Variants in CPLX1 observed in about 807,000 individuals in gnomAD.
The protein encoded by CPLX1 is complexin 1.
Under a neutral mutation model 15.6 loss-of-function variants are expected in CPLX1, and 6 were observed. That is an observed-to-expected ratio of 0.39 (90% confidence interval 0.21 to 0.76). The LOEUF (loss-of-function observed/expected upper bound fraction) is 0.76. Ranked by LOEUF, CPLX1 falls within the 30% of genes least tolerant of loss-of-function variation. The probability of loss-of-function intolerance (pLI) is 0.43; values close to 1 mark genes in which losing one functional copy is unlikely to be tolerated. For missense variants in CPLX1, 242 were observed against 188.6 expected (o/e 1.28, Z -1.66); for synonymous variants, 91 against 75.2 (o/e 1.21, Z -1.08).
chr4:796,835 G>C lies in CPLX1; in HGVS notation c.32-4227C>G, dbSNP rs371536549. Among the ~76,000 whole-genome samples, 19 of 152,322 alleles carry C rather than the reference G, an allele frequency of 1.2e-4. No individual in the cohort carries two copies. The South Asian group carries it at 2.7e-3, about 22-fold the overall frequency. On this transcript the variant is annotated intron_variant, in intron 2 of 3. Coordinates refer to ENST00000304062, the MANE Select transcript of CPLX1 (RefSeq NM_006651.4). ...TGCAAAAGGCCCATTTGCCAGGACA[G>C]ACACCTGAAGGAAAAAGAGGAGAGT...
At chr4:817,382 C>T (rs1401920968) in intron 2 of CPLX1, among the ~76,000 whole-genome samples, 4 of 150,648 alleles carry the variant, frequency 2.7e-5, no homozygotes, top group South Asian at 2.1e-4. Context: ...AGTGAAACCC[C>T]GTCTCTACTA....
intron 2 of CPLX1, among the ~76,000 whole-genome samples, chr4:803,239 C>T (rs180859851): frequency 1.1e-3 from 163 of 152,344 alleles, no homozygotes; most frequent in African/African-American, 3.8e-3. Flanking sequence ...ACACAGCTGC[C>T]GCTGCGATTC....
At chr4:788,659 C>T in intron 3 of CPLX1, 1 of 903,124 alleles carries the variant, frequency 1.1e-6, no homozygotes, top group Non-Finnish European at 1.3e-6. Flanking sequence ...GGAAGGGCAG[C>T]AGCTCCAGGC....
chr4:809,535 G>T (rs1158592920), intron 2 of CPLX1, among the ~76,000 whole-genome samples: 2 of 152,148 alleles, frequency 1.3e-5, no homozygotes, highest in South Asian at 4.1e-4. Flanking sequence ...AGGGGGTGGG[G>T]GGGACCTCAG....
At chr4:810,096 C>G (rs1325945249) in intron 2 of CPLX1, among the ~76,000 whole-genome samples, 1 of 144,154 alleles carries the variant, frequency 6.9e-6, no homozygotes, top group African/African-American at 2.6e-5. Flanking sequence ...GTTGCCCAGG[C>G]TGGAGTGCAG....
intron 2 of CPLX1, 40 bp from the exon 3 acceptor site, chr4:792,648 T>C: frequency 6.3e-7 from 1 of 1,577,582 alleles, no homozygotes; most frequent in Non-Finnish European, 8.6e-7. Context: ...CCCATTCAGA[T>C]GTCCAGGGCC....
At chr4:788,655 G>A (rs1577467552) in intron 3 of CPLX1, 1 of 928,258 alleles carries the variant, frequency 1.1e-6, no homozygotes, top group Non-Finnish European at 1.3e-6. Flanking sequence ...AGCGGGAAGG[G>A]CAGCAGCTCC....
chr4:792,799 T>C, intron 2 of CPLX1, 191 bp from the exon 3 acceptor site: 1 of 601,016 alleles, frequency 1.7e-6, no homozygotes, highest in Non-Finnish European at 2.8e-6. Flanking sequence ...CCCGGGACCC[T>C]CCATCCAGTG....
chr4:815,116 G>A (rs1241243722), intron 2 of CPLX1, among the ~76,000 whole-genome samples: 4 of 152,148 alleles, frequency 2.6e-5, no homozygotes, highest in Non-Finnish European at 4.4e-5. Flanking sequence ...AGTGTTAGAA[G>A]ATAAAAATAA....
Position 786,462 on chromosome 4 carries a change from AG to A in CPLX1, c.*38del. 1 of 1,481,306 alleles carries A rather than the reference AG, an allele frequency of 6.8e-7. No homozygotes were observed. The highest frequency in any genetic ancestry group is 9.0e-7 in the Non-Finnish European group (1 of 1,105,710). The allele number at this position is 1,481,306 out of a possible 1,614,324, so 91.8% of individuals were successfully genotyped here. On this transcript the variant is annotated 3_prime_UTR_variant, in exon 4 of 4. Coordinates refer to ENST00000304062, the MANE Select transcript of CPLX1 (RefSeq NM_006651.4). ...GCCTCCGCGGAGGATCTGTAGGGGG[AG>A]GGGCGGGGGCTCCGCGGGGCCGCTG...
Position 790,926 on chromosome 4 carries a change from C to T in CPLX1, c.207+1507G>A, listed in dbSNP as rs1746150403. 2.3e-5 allele frequency among the ~76,000 whole-genome samples: 3 copies of T among 128,394 alleles called. No homozygotes were observed. The South Asian group carries it at 8.6e-4, about 37-fold the overall frequency. 84.2% of individuals were successfully genotyped at this position (128,394 alleles called of 152,430 possible). A position where few individuals can be genotyped will look rare whatever the true frequency, so the allele number is the denominator to read the frequency against. ...CTTTGTCTCTCTCCCCTCTCTCTTTCCCTCTTTTTGTCTTTTTCTCTGTCT... is the reference window on the plus strand; with the variant it reads ...CTTTGTCTCTCTCCCCTCTCTCTTTTCCTCTTTTTGTCTTTTTCTCTGTCT... On this transcript the variant is annotated intron_variant, in intron 3 of 3. Coordinates refer to ENST00000304062, the MANE Select transcript of CPLX1 (RefSeq NM_006651.4).
chr4:792,309 A>G, intron 3 of CPLX1, 124 bp downstream of exon 3: 1 of 916,208 alleles, frequency 1.1e-6, no homozygotes. Flanking sequence ...GAAGCCCCCA[A>G]AGGGTAGGAG....
At chr4:792,205 G>C (rs1214483853) in intron 3 of CPLX1, among the ~76,000 whole-genome samples, 1 of 152,224 alleles carries the variant, frequency 6.6e-6, no homozygotes, top group African/African-American at 2.4e-5. Context: ...TAGGAAGCCC[G>C]CCAGGGCTGG....
intron 2 of CPLX1, chr4:804,872 G>C: frequency 1.0e-6 from 1 of 985,288 alleles, no homozygotes. Flanking sequence ...AAGGTGGGCG[G>C]CGGCAGCCAT....
At chr4:794,168 G>A (rs1417100867) in intron 2 of CPLX1, among the ~76,000 whole-genome samples, 1 of 152,248 alleles carries the variant, frequency 6.6e-6, no homozygotes, top group African/African-American at 2.4e-5. Context: ...CCGAGCTGTT[G>A]GTGGGAGGAG....
At chr4:794,903 G>A (rs1746287823) in intron 2 of CPLX1, among the ~76,000 whole-genome samples, 2 of 152,220 alleles carry the variant, frequency 1.3e-5, no homozygotes, top group Non-Finnish European at 1.5e-5. Flanking sequence ...GGCATTTATA[G>A]AGCACCAGGT....
At chr4:800,099 G>T (rs1746422055) in intron 2 of CPLX1, among the ~76,000 whole-genome samples, 1 of 152,148 alleles carries the variant, frequency 6.6e-6, no homozygotes. Context: ...GACAGCATCA[G>T]AATGGAATTG....
chr4:824,484 C>G lies in CPLX1; in HGVS notation c.31+8G>C. On this transcript the variant is annotated splice_region_variant and intron_variant, in intron 2 of 3. Transcript: ENST00000304062. ...CAGCCCCTCCCCACCCCACCTCCCG[C>G]TTCCTACCTCCTAGAGCCTGCTTCA... The G allele has an allele frequency of 6.2e-7, 1 of 1,612,594 alleles. No homozygotes were observed. Among genetic ancestry groups the G allele is most frequent in the Non-Finnish European group, 8.5e-7 (1 of 1,179,530 alleles).
rs201454875 is a variant in CPLX1, at chr4:786,643, G to T, written c.263C>A (p.Ala88Asp). ...CCGCGTCAAGCTCCCCTCGGAGTTGGCCTCCATGGCGGCCTGGGCCTCGGC... is the reference window on the plus strand; with the variant it reads ...CCGCGTCAAGCTCCCCTCGGAGTTGTCCTCCATGGCGGCCTGGGCCTCGGC... ...REAEAQAAMEANSEGSLTRPK... is the reference protein window; with the variant it reads ...REAEAQAAMEDNSEGSLTRPK... The change falls in exon 4 of 4, where the codon GCC (alanine) becomes GAC (aspartate). Residue 88 changes from alanine (A) to aspartate (D), a missense_variant. Coordinates refer to ENST00000304062, the MANE Select transcript of CPLX1 (RefSeq NM_006651.4). 6.2e-7 allele frequency: 1 copy of T among 1,612,336 alleles called. No individual in the cohort carries two copies. Among genetic ancestry groups the T allele is most frequent in the South Asian group, 1.1e-5 (1 of 91,026 alleles).
Sources: gnomAD v4.1 joint callset for allele counts (sites outside exome capture counted in the v4.1 genomes callset) on GRCh38, gnomAD v4.1.1 for gene constraint, MANE v1.5 for transcripts, NCBI Gene and HGNC (gene_info 2026-07-23, HGNC 2026-07-21) for gene names.